The following ERCC6L2 variants were observed in gnomAD, a reference collection of about 807,000 sequenced individuals.
ERCC6L2 encodes ERCC excision repair 6 like 2.
ERCC6L2 carries 77 observed loss-of-function variants against 132.0 expected under a neutral mutation model. The ratio of observed to expected loss-of-function variants is 0.58; its 90% CI spans 0.49 to 0.71. The LOEUF (loss-of-function observed/expected upper bound fraction) is 0.71. ERCC6L2 is among the 30% of genes least tolerant of loss of function. The pLI is 0.00. For synonymous variants in ERCC6L2, 583 were observed against 632.4 expected (o/e 0.92, Z 1.17); for missense variants, 1,542 against 1,837.6 (o/e 0.84, Z 2.94).
intron 12 of ERCC6L2, among the ~76,000 whole-genome samples, chr9:95,953,051 G>A (rs1831416040): frequency 6.6e-6 from 1 of 152,118 alleles, no homozygotes; most frequent in Admixed American, 6.6e-5. Context: ...AAAAGAGAAT[G>A]GTAGTTGCTA....
Position 96,015,647 on chromosome 9 carries a change from A to G in ERCC6L2, c.*2444A>G, listed in dbSNP as rs10819713. Among the ~76,000 whole-genome samples the G allele has an allele frequency of 0.43, 64,392 of 149,044 alleles. 14,120 individuals are homozygous for G. Among genetic ancestry groups the G allele is most frequent in the African/African-American group, 0.48 (19,528 of 40,576 alleles). On this transcript the variant is annotated 3_prime_UTR_variant, in exon 19 of 19. Coordinates refer to ENST00000653738, the MANE Select transcript of ERCC6L2 (RefSeq NM_020207.7). Reference sequence around the variant, plus strand: ...CGTCTCTACTAAAAAAAAAAAAAATACAAAAATTAGCCAGGCGTGGTGGTG... The same window carrying G: ...CGTCTCTACTAAAAAAAAAAAAAATGCAAAAATTAGCCAGGCGTGGTGGTG...
chr9:95,963,723 G>A (rs1832022501), intron 13 of ERCC6L2, among the ~76,000 whole-genome samples: 1 of 151,970 alleles, frequency 6.6e-6, no homozygotes, highest in Non-Finnish European at 1.5e-5. Flanking sequence ...TATTATCCAG[G>A]CTTTGTCTTT....
chr9:95,923,531 C>A, intron 9 of ERCC6L2, 152 bp downstream of exon 9: 2 of 829,734 alleles, frequency 2.4e-6, no homozygotes, highest in Non-Finnish European at 3.7e-6. Flanking sequence ...TCAGCATTTA[C>A]TAGGTCACTA....
At chr9:95,950,355 G>A (rs1312334486) in intron 12 of ERCC6L2, among the ~76,000 whole-genome samples, 1 of 152,086 alleles carries the variant, frequency 6.6e-6, no homozygotes, top group Non-Finnish European at 1.5e-5. Context: ...AAAAGGAAAT[G>A]AGAAAGGAAT....
At chr9:95,900,603 A>C (rs2132623440) in intron 3 of ERCC6L2, among the ~76,000 whole-genome samples, 1 of 152,226 alleles carries the variant, frequency 6.6e-6, no homozygotes, top group East Asian at 1.9e-4. Context: ...TGACAATTCT[A>C]GTTTTGTTGC....
intron 17 of ERCC6L2, among the ~76,000 whole-genome samples, chr9:95,982,634 C>T (rs943506021): frequency 3.9e-5 from 6 of 152,004 alleles, no homozygotes; most frequent in African/African-American, 1.4e-4. Flanking sequence ...TGTAGCTAGA[C>T]AGTAATTTTA....
At chr9:96,011,035 G>A (rs1332566389) in intron 18 of ERCC6L2, among the ~76,000 whole-genome samples, 1 of 152,192 alleles carries the variant, frequency 6.6e-6, no homozygotes, top group Non-Finnish European at 1.5e-5. Flanking sequence ...ACATTGAGCT[G>A]TTCTATCTCA....
At chr9:95,963,004 C>T (rs974374684) in intron 13 of ERCC6L2, among the ~76,000 whole-genome samples, 1 of 152,014 alleles carries the variant, frequency 6.6e-6, no homozygotes, top group Non-Finnish European at 1.5e-5. Context: ...TATTTTGATA[C>T]CTTTTGTTGC....
chr9:95,970,180 A>G (rs763426233), intron 14 of ERCC6L2, among the ~76,000 whole-genome samples: 10 of 152,152 alleles, frequency 6.6e-5, no homozygotes, highest in Non-Finnish European at 1.2e-4. Context: ...CCAATATTCA[A>G]CATTGTGGTG....
intron 13 of ERCC6L2, among the ~76,000 whole-genome samples, chr9:95,958,008 C>T (rs1831699087): frequency 6.8e-6 from 1 of 146,900 alleles, no homozygotes; most frequent in Non-Finnish European, 1.5e-5. Context: ...GGTATATCTC[C>T]TAATGCTATC....
At chr9:95,966,023 G>A (rs1832137455) in intron 13 of ERCC6L2, among the ~76,000 whole-genome samples, 1 of 152,172 alleles carries the variant, frequency 6.6e-6, no homozygotes, top group African/African-American at 2.4e-5. Context: ...AATGTTCCAT[G>A]TCAGTGTTCT....
intron 17 of ERCC6L2, among the ~76,000 whole-genome samples, chr9:95,984,935 G>A (rs1175826070): frequency 1.3e-5 from 2 of 151,870 alleles, no homozygotes; most frequent in African/African-American, 4.9e-5. Context: ...ATCAGTCAGG[G>A]GAATGATCTC....
At chr9:95,888,272 G>T (rs567496406) in intron 2 of ERCC6L2, among the ~76,000 whole-genome samples, 1 of 152,156 alleles carries the variant, frequency 6.6e-6, no homozygotes, top group South Asian at 2.1e-4. Context: ...CCCAGCCTCA[G>T]ATTTACTCAG....
At chr9:95,990,742 C>A (rs529717051) in intron 17 of ERCC6L2, among the ~76,000 whole-genome samples, 31 of 152,334 alleles carry the variant, frequency 2.0e-4, no homozygotes, top group Non-Finnish European at 3.8e-4. Flanking sequence ...AAGTGTGTTA[C>A]AACCAATGCA....
chr9:95,908,344 A>G (rs1829181560), intron 4 of ERCC6L2, among the ~76,000 whole-genome samples: 1 of 151,964 alleles, frequency 6.6e-6, no homozygotes, highest in Non-Finnish European at 1.5e-5. Flanking sequence ...AGAGACACCA[A>G]GGACACACAC....
At chr9:95,985,728 A>G (rs1003431301) in intron 17 of ERCC6L2, among the ~76,000 whole-genome samples, 1 of 152,108 alleles carries the variant, frequency 6.6e-6, no homozygotes, top group Non-Finnish European at 1.5e-5. Context: ...GCCTGTCTCA[A>G]TTGGGCCCTA....
rs1564306540 is a variant in ERCC6L2, at chr9:96,015,014, A to ATTTTT, written c.*1811_*1812insTTTTT. On this transcript the variant is annotated 3_prime_UTR_variant, in exon 19 of 19. Transcript: ENST00000653738. ...AGCTCTATAGTCTTCATATATGTAC[A>ATTTTT]GTTTTTTTTTTTTTTTTTTTTTTTT... 1.5e-5 allele frequency among the ~76,000 whole-genome samples: 1 copy of ATTTTT among 66,142 alleles called. No individual in the cohort carries two copies. Among genetic ancestry groups the ATTTTT allele is most frequent in the Non-Finnish European group, 2.8e-5 (1 of 36,228 alleles). 43.4% of individuals were successfully genotyped at this position (66,142 alleles called of 152,430 possible). A position where few individuals can be genotyped will look rare whatever the true frequency, so the allele number is the denominator to read the frequency against.
At chr9:95,947,811 A>G (rs543440921) in intron 12 of ERCC6L2, among the ~76,000 whole-genome samples, 35 of 152,312 alleles carry the variant, frequency 2.3e-4, no homozygotes, top group Admixed American at 9.8e-4. Flanking sequence ...CAAAGCCTGG[A>G]TAACAGCATA....
intron 2 of ERCC6L2, among the ~76,000 whole-genome samples, chr9:95,895,814 T>G (rs965136601): frequency 6.8e-6 from 1 of 148,034 alleles, no homozygotes; most frequent in Non-Finnish European, 1.5e-5. Context: ...GCAAACTCCC[T>G]CTCCCAGGTT....
Sources: allele counts gnomAD v4.1 joint callset (sites outside exome capture counted in the v4.1 genomes callset), GRCh38; gene constraint gnomAD v4.1.1; transcripts MANE v1.5; gene names NCBI Gene and HGNC (gene_info 2026-07-23, HGNC 2026-07-21).